The following HMGB1 variants were observed in gnomAD, a reference collection of about 807,000 sequenced individuals.
HMGB1 encodes the protein high mobility group box 1.
For missense variants in HMGB1, 79 were observed against 253.5 expected (o/e 0.31, Z 4.67); for synonymous variants, 81 against 84.0 (o/e 0.96, Z 0.19).
chr13:30,480,508 C>T (rs1887202726), intron 1 of HMGB1, among the ~76,000 whole-genome samples: 1 of 152,184 alleles, frequency 6.6e-6, no homozygotes, highest in Admixed American at 6.5e-5. Context: ...CTACAGGAGA[C>T]CACTGCACTC....
At chr13:30,603,787 T>C (rs527778864) in intron 1 of HMGB1, among the ~76,000 whole-genome samples, 1 of 152,360 alleles carries the variant, frequency 6.6e-6, no homozygotes, top group South Asian at 2.1e-4. Flanking sequence ...CTTTAAATCA[T>C]CTCTAGTTTA....
intron 1 of HMGB1, among the ~76,000 whole-genome samples, chr13:30,611,774 T>C (rs1040620506): frequency 1.3e-5 from 2 of 152,076 alleles, no homozygotes; most frequent in African/African-American, 4.8e-5. Flanking sequence ...ATACAAGCTT[T>C]TTGGCTCTGT....
chr13:30,464,591 C>G, intron 1 of HMGB1: 1 of 984,412 alleles, frequency 1.0e-6, no homozygotes, highest in Non-Finnish European at 1.2e-6. Context: ...GCGCCGCCGC[C>G]GCCCCCATTT....
chr13:30,475,234 T>TC (rs1361864581), intron 1 of HMGB1, among the ~76,000 whole-genome samples: 7 of 146,730 alleles, frequency 4.8e-5, no homozygotes, highest in Non-Finnish European at 1.1e-4. Flanking sequence ...TCTTTTTTTT[T>TC]TTTTTTGAGA....
chr13:30,512,436 G>A (rs17068097), intron 1 of HMGB1, among the ~76,000 whole-genome samples: 14,668 of 152,218 alleles, frequency 0.096, 1,021 homozygotes, highest in East Asian at 0.19. Context: ...CCTGAAGAAT[G>A]AACGTGACAG....
intron 1 of HMGB1, among the ~76,000 whole-genome samples, chr13:30,606,100 C>G (rs769307927): frequency 6.6e-6 from 1 of 152,148 alleles, no homozygotes; most frequent in African/African-American, 2.4e-5. Flanking sequence ...TGTCTTTGGT[C>G]TCTATTAATA....
chr13:30,557,590 G>T (rs1869743965), intron 1 of HMGB1, among the ~76,000 whole-genome samples: 1 of 152,116 alleles, frequency 6.6e-6, no homozygotes, highest in South Asian at 2.1e-4. Context: ...TAGATAAAAG[G>T]GCTTTGGAAG....
At chr13:30,562,982 C>A (rs1870025505) in intron 1 of HMGB1, among the ~76,000 whole-genome samples, 1 of 152,178 alleles carries the variant, frequency 6.6e-6, no homozygotes, top group South Asian at 2.1e-4. Context: ...ATGTAAGAGC[C>A]AGGTCTGCGA....
upstream of HMGB1, among the ~76,000 whole-genome samples, chr13:30,467,028 C>T (rs1197508996): frequency 1.3e-5 from 2 of 152,208 alleles, no homozygotes; most frequent in Non-Finnish European, 2.9e-5. Context: ...TGCCCAAATC[C>T]ACAGGCTGTG....
intron 1 of HMGB1, among the ~76,000 whole-genome samples, chr13:30,566,201 T>C (rs1870176822): frequency 6.6e-6 from 1 of 152,214 alleles, no homozygotes; most frequent in African/African-American, 2.4e-5. Context: ...AGTGAGTCCC[T>C]ACTTTCCTCA....
intron 1 of HMGB1, among the ~76,000 whole-genome samples, chr13:30,589,963 TGAA>T (rs758668894): frequency 3.3e-5 from 5 of 152,052 alleles, no homozygotes; most frequent in East Asian, 3.9e-4. Flanking sequence ...ATAAAAATCT[TGAA>T]GAAGAATGCT....
chr13:30,573,825 G>A (rs1229378619), intron 1 of HMGB1, among the ~76,000 whole-genome samples: 2 of 151,734 alleles, frequency 1.3e-5, no homozygotes, highest in Non-Finnish European at 2.9e-5. Context: ...TAATTTTTTT[G>A]GTATTTTTTG....
chr13:30,540,888 C>A, intron 1 of HMGB1: 1 of 152,454 alleles, frequency 6.6e-6, no homozygotes, highest in South Asian at 2.0e-4. Flanking sequence ...CTGGCCTAGT[C>A]TTCTTTAAAA....
In HMGB1 at chr13:30,597,736, A is replaced by G. The variant is rs192880917; in HGVS notation, c.-15+18935T>C. Among the ~76,000 whole-genome samples the G allele has an allele frequency of 4.7e-4, 72 of 152,324 alleles. 1 individual carries two copies. The highest frequency in any genetic ancestry group is 3.1e-3 in the Admixed American group (48 of 15,306). The stretch of plus-strand genomic sequence containing the variant: ...ACATTTTAGGCTTTGTGGGCCAAAC[A>G]AGGTTTCTGTTACATTTTTTTTTTA... On this transcript the variant is annotated intron_variant, in intron 1 of 4. Coordinates refer to the HMGB1 transcript ENST00000405805.
chr13:30,554,495 G>C (rs1308860861), intron 1 of HMGB1: 6 of 1,035,442 alleles, frequency 5.8e-6, no homozygotes, highest in Non-Finnish European at 9.1e-6. Context: ...AATAGAAGGA[G>C]CAAAATGTAT....
intron 1 of HMGB1, among the ~76,000 whole-genome samples, chr13:30,474,531 G>A (rs1020503854): frequency 5.9e-5 from 9 of 152,204 alleles, no homozygotes; most frequent in Non-Finnish European, 1.3e-4. Flanking sequence ...TGAAGGGTTA[G>A]GACTGACAGC....
intron 1 of HMGB1, among the ~76,000 whole-genome samples, chr13:30,576,577 C>T (rs1870665966): frequency 6.6e-6 from 1 of 151,592 alleles, no homozygotes; most frequent in African/African-American, 2.4e-5. Flanking sequence ...AATATTTTTC[C>T]ATCTTGGCAG....
intron 1 of HMGB1, among the ~76,000 whole-genome samples, chr13:30,551,915 C>T (rs1593307352): frequency 6.6e-6 from 1 of 152,100 alleles, no homozygotes; most frequent in Admixed American, 6.6e-5. Context: ...TGCTCTGTTG[C>T]CCAGACTGGT....
At position 30,474,968 on chromosome 13, in the gene HMGB1, T is replaced by G. The variant is rs1458202308; in HGVS notation, c.-14-11274A>C. ...TTTCTTTTCTTTTTTTGTTTTTTTT[T>G]TTTTTTTTTTTTTGAGACAGGGTCT... On this transcript the variant is annotated intron_variant, in intron 1 of 4. Transcript: ENST00000405805. Among the ~76,000 whole-genome samples the G allele has an allele frequency of 9.2e-4, 121 of 132,210 alleles. 4 individuals are homozygous for G. Among genetic ancestry groups the G allele is most frequent in the African/African-American group, 2.4e-3 (85 of 35,178 alleles). The allele number at this position is 132,210 out of a possible 152,430, so 86.7% of individuals were successfully genotyped here.
Sources: allele counts gnomAD v4.1 joint callset (sites outside exome capture counted in the v4.1 genomes callset), GRCh38; gene constraint gnomAD v4.1.1; transcripts MANE v1.5; gene names NCBI Gene and HGNC (gene_info 2026-07-23, HGNC 2026-07-21).